The following TLN2 variants were observed in gnomAD, a reference collection of about 807,000 sequenced individuals.
TLN2 encodes the protein talin-2.
A neutral mutation model predicts 294.7 loss-of-function variants in TLN2; 118 were observed. That is an observed-to-expected ratio of 0.40 (90% CI 0.34 to 0.47). The LOEUF is 0.47. Ranked by LOEUF, TLN2 falls within the 20% of genes least tolerant of loss-of-function variation. The pLI, the probability that TLN2 is intolerant of heterozygous loss-of-function variation, is 0.84. For synonymous variants in TLN2, 1,431 were observed against 1,304.5 expected, an observed-to-expected ratio of 1.10 and a Z score of -2.09; for missense variants, 3,083 against 3,282.2, an observed-to-expected ratio of 0.94 and a Z score of 1.48.
chr15:62,647,536 CA>C, intron 4 of TLN2, 90 bp downstream of exon 4: 1 of 1,559,256 alleles, frequency 6.4e-7, no homozygotes, highest in Admixed American at 1.7e-5. Flanking sequence ...AAGTGGTACA[CA>C]AGCCTATTAG....
intron 20 of TLN2, 36 bp downstream of exon 20, chr15:62,707,289 T>C (rs200978330): frequency 6.4e-7 from 1 of 1,566,548 alleles, no homozygotes; most frequent in South Asian, 1.2e-5. Context: ...TTCTACCCAG[T>C]ATCACCTGCT....
At chr15:62,697,922 A>C in intron 15 of TLN2, 54 bp downstream of exon 15, 1 of 1,582,052 alleles carries the variant, frequency 6.3e-7, no homozygotes, top group Non-Finnish European at 8.6e-7. Flanking sequence ...TCCCGCATGC[A>C]GGGTGGACAC....
intron 9 of TLN2, among the ~76,000 whole-genome samples, chr15:62,666,354 A>T (rs565800133): frequency 1.3e-5 from 2 of 152,182 alleles, no homozygotes; most frequent in African/African-American, 4.8e-5. Context: ...TAAGGCCCTT[A>T]GAAAAGAGGC....
intron 3 of TLN2, among the ~76,000 whole-genome samples, chr15:62,628,125 G>T (rs1389092322): frequency 6.6e-6 from 1 of 152,238 alleles, no homozygotes; most frequent in Non-Finnish European, 1.5e-5. Context: ...AAGATTACCA[G>T]TAATGCTAAT....
At chr15:62,840,368 T>C (rs2070500804) in intron 58 of TLN2, 114 bp from the exon 59 acceptor site, 1 of 1,425,448 alleles carries the variant, frequency 7.0e-7, no homozygotes, top group African/African-American at 1.4e-5. Context: ...CTGTTCCGGA[T>C]GTGCTGCAGT....
chr15:62,524,416 G>A (rs920245150), intron 1 of TLN2, among the ~76,000 whole-genome samples: 5 of 152,124 alleles, frequency 3.3e-5, no homozygotes, highest in Admixed American at 6.5e-5. Context: ...ATTTAGGCAT[G>A]GACCTGCCTC....
chr15:62,500,917 A>T (rs1252666204), intron 1 of TLN2, among the ~76,000 whole-genome samples: 1 of 152,236 alleles, frequency 6.6e-6, no homozygotes, highest in African/African-American at 2.4e-5. Context: ...TGCAGGCCCC[A>T]CCACAGTCCC....
intron 11 of TLN2, among the ~76,000 whole-genome samples, chr15:62,678,598 G>C (rs1449328928): frequency 7.0e-6 from 1 of 142,616 alleles, no homozygotes; most frequent in Non-Finnish European, 1.5e-5. Flanking sequence ...TGGGAGGCCA[G>C]GGCAGGCAGA....
intron 9 of TLN2, among the ~76,000 whole-genome samples, chr15:62,667,236 G>A (rs1043234468): frequency 6.6e-6 from 1 of 152,150 alleles, no homozygotes; most frequent in East Asian, 1.9e-4. Context: ...AAAGTGCTGG[G>A]ATTACAGGCG....
Position 62,745,419 on chromosome 15 carries a change from A to G in TLN2, c.4026-2932A>G, listed in dbSNP as rs970572497. On this transcript the variant is annotated intron_variant, in intron 32 of 58. Transcript: ENST00000636159. The stretch of plus-strand genomic sequence containing the variant: ...TCTAATTTTGGCCAGATTTTTTGTG[A>G]TAATGTAAATTGATTAATTTCTAAT... 4.6e-5 allele frequency among the ~76,000 whole-genome samples: 7 copies of G among 152,282 alleles called. 1 individual carries two copies. The highest frequency in any genetic ancestry group is 2.0e-4 in the Admixed American group (3 of 15,298).
chr15:62,493,437 A>G (rs911992063), intron 1 of TLN2, among the ~76,000 whole-genome samples: 1 of 151,862 alleles, frequency 6.6e-6, no homozygotes, highest in African/African-American at 2.4e-5. Context: ...AATCACTCAT[A>G]AGGCCCTGTC....
chr15:62,397,108 A>G (rs1162800806), intron 1 of TLN2, among the ~76,000 whole-genome samples: 1 of 152,062 alleles, frequency 6.6e-6, no homozygotes, highest in African/African-American at 2.4e-5. Context: ...CTCTTTCCAT[A>G]CGATCTCTGG....
At chr15:62,650,461 T>C (rs891800824) in intron 5 of TLN2, among the ~76,000 whole-genome samples, 1 of 152,186 alleles carries the variant, frequency 6.6e-6, no homozygotes, top group Non-Finnish European at 1.5e-5. Flanking sequence ...AGCATCTTAC[T>C]GTAAGTATGG....
chr15:62,761,103 T>TG (rs1460157698), intron 37 of TLN2, among the ~76,000 whole-genome samples: 1 of 152,202 alleles, frequency 6.6e-6, no homozygotes, highest in East Asian at 1.9e-4. Context: ...TTTGTATGGC[T>TG]GGGGGTAGTT....
intron 1 of TLN2, among the ~76,000 whole-genome samples, chr15:62,448,885 C>T (rs1243120465): frequency 6.6e-6 from 1 of 152,154 alleles, no homozygotes; most frequent in Non-Finnish European, 1.5e-5. Context: ...CTTCGAGTTT[C>T]TTCTTTATTT....
intron 1 of TLN2, among the ~76,000 whole-genome samples, chr15:62,538,529 A>AT (rs1467059111): frequency 6.6e-6 from 1 of 152,252 alleles, no homozygotes; most frequent in Non-Finnish European, 1.5e-5. Flanking sequence ...TTTCTGGGAC[A>AT]TAGGTACATA....
In TLN2 at chr15:62,800,392, G is replaced by C. The variant is rs1057460564; in HGVS notation, c.6259G>C (p.Asp2087His). 6.2e-7 allele frequency: 1 copy of C among 1,614,140 alleles called. No individual in the cohort carries two copies. The change falls in exon 49 of 59, where the codon GAT becomes CAT. Residue 2087 changes from aspartate (D) to histidine (H), a missense_variant. Transcript: ENST00000636159. ...GGTGGTTTTGATCAATGCCATCAAAGATGTGGCCAAGGCCCTTTCTGATCT... is the reference window on the plus strand; with the variant it reads ...GGTGGTTTTGATCAATGCCATCAAACATGTGGCCAAGGCCCTTTCTGATCT... Reference protein sequence around the residue: ...TQVVLINAIKDVAKALSDLIS... With the variant: ...TQVVLINAIKHVAKALSDLIS...
chr15:62,429,327 G>A (rs1423669501), intron 1 of TLN2, among the ~76,000 whole-genome samples: 1 of 152,158 alleles, frequency 6.6e-6, no homozygotes, highest in East Asian at 1.9e-4. Context: ...TCATCGGTTG[G>A]TGAAAGCCCC....
In TLN2 at chr15:62,547,877, G is replaced by C. The variant is rs568049672; in HGVS notation, c.-237-41810G>C. Among the ~76,000 whole-genome samples the C allele has an allele frequency of 1.0e-4, 15 of 148,812 alleles. No individual in the cohort carries two copies. In the East Asian group the frequency reaches 1.5e-3, roughly 15 times the overall value. ...GGAATATGTTGCCTCTGAAATTGCTGTCTATCCTCTACATTGCTATGTGAA... is the reference window on the plus strand; with the variant it reads ...GGAATATGTTGCCTCTGAAATTGCTCTCTATCCTCTACATTGCTATGTGAA... On this transcript the variant is annotated intron_variant, in intron 1 of 58. Coordinates refer to ENST00000636159, the MANE Select transcript of TLN2 (RefSeq NM_015059.3).
Sources: allele counts gnomAD v4.1 joint callset (sites outside exome capture counted in the v4.1 genomes callset), GRCh38; gene constraint gnomAD v4.1.1; transcripts MANE v1.5; gene names NCBI Gene and HGNC (gene_info 2026-07-23, HGNC 2026-07-21).